ZZEF1: variants seen among roughly 807,000 people sequenced by gnomAD.
ZZEF1 encodes the protein zinc finger ZZ-type and EF-hand domain containing 1.
Under a neutral mutation model 342.8 loss-of-function variants are expected in ZZEF1, and 157 were observed. The observed-to-expected ratio is 0.46, with a 90% CI of 0.40 to 0.52. The LOEUF is 0.52. Among genes scored for constraint, ZZEF1 ranks in the 20% least tolerant of loss-of-function variants. ZZEF1 has a pLI of 0.00. For synonymous variants in ZZEF1, 1,505 were observed against 1,429.1 expected (o/e 1.05, Z -1.20); for missense variants, 3,480 against 3,725.6 (o/e 0.93, Z 1.72).
intron 39 of ZZEF1, among the ~76,000 whole-genome samples, chr17:4,037,049 G>C (rs1462295094): frequency 6.6e-6 from 1 of 152,138 alleles, no homozygotes; most frequent in Non-Finnish European, 1.5e-5. Context: ...AAAGGACACA[G>C]AAGTCAGCGG....
intron 49 of ZZEF1, among the ~76,000 whole-genome samples, chr17:4,015,176 C>G (rs534291566): frequency 1.1e-4 from 17 of 152,280 alleles, no homozygotes; most frequent in Admixed American, 9.8e-4. Context: ...CAGAGAAGGG[C>G]AACGGGTGTC....
chr17:4,076,537 C>T, intron 21 of ZZEF1, 100 bp downstream of exon 21: 1 of 1,462,862 alleles, frequency 6.8e-7, no homozygotes, highest in South Asian at 1.3e-5. Context: ...CTAGAGGCTG[C>T]TCAGCTGTGC....
At chr17:4,033,155 T>G in intron 40 of ZZEF1, 153 bp from the exon 41 acceptor site, 1 of 705,568 alleles carries the variant, frequency 1.4e-6, no homozygotes, top group Non-Finnish European at 2.2e-6. Context: ...CGTATAATGG[T>G]GAGTAAAAGA....
rs143339304 is a variant in ZZEF1 at position 4,025,023 on chromosome 17, C to T, written c.6988G>A (p.Ala2330Thr). The T allele has an allele frequency of 8.7e-6, 14 of 1,613,962 alleles. No homozygotes were observed. Among genetic ancestry groups the T allele is most frequent in the Admixed American group, 3.3e-5 (2 of 59,990 alleles). The change falls in exon 43 of 55, where the codon GCC (alanine) becomes ACC (threonine). Residue 2330 changes from alanine (A) to threonine (T), a missense_variant. Around this residue, in one of 5 missense-constraint regions of ZZEF1, gnomAD observed 1,269 missense variants for 1,342.4 expected, o/e 0.95. Coordinates refer to ENST00000381638, the MANE Select transcript of ZZEF1 (RefSeq NM_015113.4). ...ATGCTGCTTTGCAGAAGGTGACTGG[C>T]GATAAAGGCAAAGTGCTGGGAGTAC... is the stretch of plus-strand genomic sequence containing the variant. ...SQYSQHFAFI[A>T]SHLLQSSMDS...
At chr17:4,052,674 C>A (rs2057074880) in intron 34 of ZZEF1, among the ~76,000 whole-genome samples, 1 of 152,218 alleles carries the variant, frequency 6.6e-6, no homozygotes, top group African/African-American at 2.4e-5. Context: ...CAAGACCAGC[C>A]TGGGCAATAT....
intron 16 of ZZEF1, among the ~76,000 whole-genome samples, chr17:4,085,141 A>T (rs1317944737): frequency 6.6e-6 from 1 of 152,184 alleles, no homozygotes; most frequent in Non-Finnish European, 1.5e-5. Flanking sequence ...ACTTGGTGGT[A>T]TTAGTTTTAC....
intron 39 of ZZEF1, among the ~76,000 whole-genome samples, chr17:4,038,463 A>T (rs2056725143): frequency 1.3e-5 from 2 of 152,240 alleles, no homozygotes; most frequent in South Asian, 4.1e-4. Context: ...AAAGGAAACT[A>T]ATCACAATAA....
At chr17:4,013,951 G>A in intron 51 of ZZEF1, 139 bp downstream of exon 51, 1 of 797,812 alleles carries the variant, frequency 1.3e-6, no homozygotes, top group South Asian at 1.7e-5. Flanking sequence ...CAGGTGTGGG[G>A]CTTGTGAGAC....
At chr17:4,132,252 T>C (rs1439489129) in intron 1 of ZZEF1, among the ~76,000 whole-genome samples, 3 of 151,352 alleles carry the variant, frequency 2.0e-5, no homozygotes, top group Non-Finnish European at 2.9e-5. Flanking sequence ...GGTGCAATCA[T>C]GGTTCACTTC....
chr17:4,140,980 C>A (rs1387007942), intron 1 of ZZEF1, among the ~76,000 whole-genome samples: 1 of 150,800 alleles, frequency 6.6e-6, no homozygotes, highest in Non-Finnish European at 1.5e-5. Flanking sequence ...GTGATCTCAG[C>A]TCACTGCAAC....
At chr17:4,131,595 G>A (rs1487097588) in intron 1 of ZZEF1, among the ~76,000 whole-genome samples, 3 of 151,922 alleles carry the variant, frequency 2.0e-5, no homozygotes, top group African/African-American at 7.3e-5. Context: ...TGTGAGCGAT[G>A]TGGCAAAACC....
At position 4,012,099 on chromosome 17, in the gene ZZEF1, G is replaced by A. The variant is rs138802115; in HGVS notation, c.8579+1350C>T. ...ATGGCCAGCAGACTGTGCAGGCTGC[G>A]GCACAGGTCTTCTTTCCTGCTGCAG... On this transcript the variant is annotated intron_variant, in intron 52 of 54. Transcript: ENST00000381638. Among the ~76,000 whole-genome samples the A allele has an allele frequency of 1.4e-3, 206 of 152,330 alleles. 3 individuals carry two copies. The highest frequency in any genetic ancestry group is 3.9e-3 in the African/African-American group (161 of 41,554).
At chr17:4,065,793 G>A (rs2057380510) in intron 28 of ZZEF1, among the ~76,000 whole-genome samples, 1 of 152,014 alleles carries the variant, frequency 6.6e-6, no homozygotes, top group African/African-American at 2.4e-5. Flanking sequence ...AAAAATAATA[G>A]TAATTCTTTT....
At chr17:4,130,126 T>C (rs1039801991) in intron 1 of ZZEF1, among the ~76,000 whole-genome samples, 6 of 152,010 alleles carry the variant, frequency 3.9e-5, no homozygotes, top group African/African-American at 1.5e-4. Flanking sequence ...ATAACAAAAC[T>C]GCACATGTAC....
intron 8 of ZZEF1, among the ~76,000 whole-genome samples, chr17:4,102,765 T>C (rs1244872745): frequency 6.6e-6 from 1 of 152,220 alleles, no homozygotes; most frequent in Admixed American, 6.5e-5. Flanking sequence ...ATAATTAACT[T>C]TATTACAATT....
chr17:4,138,169 G>A (rs76061991), intron 1 of ZZEF1, among the ~76,000 whole-genome samples: 9,879 of 152,228 alleles, frequency 0.065, 478 homozygotes, highest in South Asian at 0.15. Flanking sequence ...AGAGCTGAGG[G>A]CTCCCGGCTG....
chr17:4,029,300 C>G (rs548434170), intron 42 of ZZEF1, among the ~76,000 whole-genome samples: 30 of 151,778 alleles, frequency 2.0e-4, no homozygotes, highest in African/African-American at 5.6e-4. Flanking sequence ...AACCTGAAAT[C>G]AACAACCAAA....
At chr17:4,038,297 G>A (rs528778036) in intron 39 of ZZEF1, among the ~76,000 whole-genome samples, 1 of 152,296 alleles carries the variant, frequency 6.6e-6, no homozygotes, top group African/African-American at 2.4e-5. Context: ...GCCAAGTTTG[G>A]CCTGCATTCA....
intron 2 of ZZEF1, 134 bp downstream of exon 2, chr17:4,123,773 C>A: frequency 1.0e-6 from 1 of 997,328 alleles, no homozygotes; most frequent in Non-Finnish European, 1.4e-6. Context: ...AAAGGAAATG[C>A]TAATTCAGAT....
Sources: gnomAD v4.1 joint callset for allele counts (sites outside exome capture counted in the v4.1 genomes callset) on GRCh38, gnomAD v4.1.1 for gene constraint, gnomAD v4.1.1 regional missense constraint, MANE v1.5 for transcripts, NCBI Gene and HGNC (gene_info 2026-07-23, HGNC 2026-07-21) for gene names.